PCLO: variants seen among roughly 807,000 people sequenced by gnomAD.
The protein encoded by PCLO is piccolo presynaptic cytomatrix protein, also known as protein piccolo.
A neutral mutation model predicts 427.5 loss-of-function variants in PCLO; 82 were observed. The ratio of observed to expected loss-of-function variants is 0.19; its 90% CI spans 0.16 to 0.23. The LOEUF is 0.23. Ranked by LOEUF, PCLO falls within the 10% of genes least tolerant of loss-of-function variation. The pLI, the probability that PCLO is intolerant of heterozygous loss-of-function variation, is 1.00. For missense variants in PCLO, 6,239 were observed against 6,115.9 expected, an observed-to-expected ratio of 1.02 and a Z score of -0.67; for synonymous variants, 2,357 against 2,155.4, an observed-to-expected ratio of 1.09 and a Z score of -2.59.
In PCLO at chr7:83,020,401, A is replaced by G. The variant is rs535195305; in HGVS notation, c.3301-53914T>C. Among the ~76,000 whole-genome samples the G allele has an allele frequency of 5.4e-3, 815 of 151,822 alleles. 8 individuals are homozygous for G. Among genetic ancestry groups the G allele is most frequent in the Non-Finnish European group, 9.1e-3 (616 of 67,862 alleles). Reference sequence around the variant, plus strand: ...TTAATCCCTATTTGGTAGTAGTAAGAGGGGGGGCCTTTGAGGGAGTTATTA... The same window carrying G: ...TTAATCCCTATTTGGTAGTAGTAAGGGGGGGGGCCTTTGAGGGAGTTATTA... On this transcript the variant is annotated intron_variant, in intron 3 of 24. Transcript: ENST00000333891.
At chr7:82,792,787 C>A (rs1425423859) in intron 22 of PCLO, among the ~76,000 whole-genome samples, 2 of 152,092 alleles carry the variant, frequency 1.3e-5, no homozygotes, top group African/African-American at 4.8e-5. Context: ...ATTCATATTT[C>A]TTAAAATAAT....
chr7:82,796,202 T>C (rs1392056201), intron 22 of PCLO, among the ~76,000 whole-genome samples: 1 of 152,138 alleles, frequency 6.6e-6, no homozygotes, highest in Non-Finnish European at 1.5e-5. Context: ...TTTTAAAAAA[T>C]ATTTCAATAA....
chr7:83,048,823 G>T (rs1029829653), intron 3 of PCLO, among the ~76,000 whole-genome samples: 1 of 151,874 alleles, frequency 6.6e-6, no homozygotes, highest in African/African-American at 2.4e-5. Context: ...ATTCCTTTAT[G>T]TTTTTTCAAA....
chr7:83,096,572 CTA>C (rs893547948), intron 3 of PCLO, among the ~76,000 whole-genome samples: 3 of 150,806 alleles, frequency 2.0e-5, no homozygotes, highest in African/African-American at 7.3e-5. Flanking sequence ...TGTATGTCAG[CTA>C]TGATTACATA....
intron 22 of PCLO, among the ~76,000 whole-genome samples, chr7:82,779,743 TTTC>T (rs1167542654): frequency 4.3e-4 from 44 of 103,192 alleles, no homozygotes; most frequent in Admixed American, 1.5e-3. Flanking sequence ...TCTTTCTTTC[TTTC>T]TTTTTTTTTT....
chr7:82,910,640 A>T (rs1018616315), intron 7 of PCLO, among the ~76,000 whole-genome samples: 2 of 152,166 alleles, frequency 1.3e-5, no homozygotes, highest in African/African-American at 4.8e-5. Flanking sequence ...GAAGCATAGA[A>T]TAATTAGTCA....
Position 82,916,718 on chromosome 7 carries a change from T to A in PCLO, c.11268A>T (p.Thr3756=). 1 of 1,613,652 alleles carries A rather than the reference T, an allele frequency of 6.2e-7. No homozygotes were observed. Among genetic ancestry groups the A allele is most frequent in the Non-Finnish European group, 8.5e-7 (1 of 1,179,720 alleles). Residue 3756 remains threonine, a synonymous_variant, in exon 7 of 25, where the codon ACA becomes ACT. Coordinates refer to ENST00000333891, the MANE Select transcript of PCLO (RefSeq NM_033026.6). ...VSRRRICRTN[T]MARAKILQDI... is the part of the protein sequence containing the mutation. ...CCTGGAGAATCTTGGCTCGTGCCAT[T>A]GTGTTGGTTCTGCAGATCCTTCTCC...
chr7:82,764,691 T>C (rs1476548), intron 22 of PCLO, among the ~76,000 whole-genome samples: 72,870 of 151,612 alleles, frequency 0.48, 18,480 homozygotes, highest in East Asian at 0.72. Context: ...ATGCAGCAAA[T>C]AAGACAAAGA....
At chr7:83,148,076 A>G (rs1387950024) in intron 2 of PCLO, among the ~76,000 whole-genome samples, 1 of 152,220 alleles carries the variant, frequency 6.6e-6, no homozygotes, top group African/African-American at 2.4e-5. Context: ...TTACATCCAC[A>G]TTACAACAGG....
chr7:82,934,781 A>G (rs930169341), intron 6 of PCLO, among the ~76,000 whole-genome samples: 4 of 151,678 alleles, frequency 2.6e-5, no homozygotes, highest in Admixed American at 2.0e-4. Flanking sequence ...TCTAACCATA[A>G]ACTACATTTA....
rs755712630 is a variant in PCLO, at chr7:82,953,048, T to C, written c.7905A>G (p.Ser2635=). The part of the protein sequence containing the change: ...PVTAVEIPIS[S]EQTFYISGAL... The stretch of plus-strand genomic sequence containing the variant: ...CTCCAGAGATGTAGAAGGTCTGTTC[T>C]GAAGAAATTGGAATTTCTACAGCTG... Residue 2635 remains serine (S), a synonymous_variant, in exon 5 of 25, where the codon TCA becomes TCG. Transcript: ENST00000333891. The C allele has an allele frequency of 1.2e-6, 2 of 1,613,980 alleles. No individual in the cohort carries two copies. Among genetic ancestry groups the C allele is most frequent in the Non-Finnish European group, 1.7e-6 (2 of 1,179,874 alleles).
intron 22 of PCLO, among the ~76,000 whole-genome samples, chr7:82,777,709 A>G (rs1297545670): frequency 6.6e-6 from 1 of 152,196 alleles, no homozygotes; most frequent in East Asian, 1.9e-4. Context: ...AGCTATATAC[A>G]GAAGATTGAA....
chr7:82,856,427 A>G (rs1210945301), intron 10 of PCLO, among the ~76,000 whole-genome samples: 2 of 152,138 alleles, frequency 1.3e-5, no homozygotes, highest in Non-Finnish European at 2.9e-5. Context: ...AATCCAGTCC[A>G]GTATTTCCTT....
intron 9 of PCLO, among the ~76,000 whole-genome samples, chr7:82,893,752 T>C (rs1793834276): frequency 6.6e-6 from 1 of 152,030 alleles, no homozygotes; most frequent in Non-Finnish European, 1.5e-5. Context: ...TGAACTATTT[T>C]CTTCAGATTT....
chr7:83,143,511 T>C (rs1388296272), intron 2 of PCLO, among the ~76,000 whole-genome samples: 1 of 149,060 alleles, frequency 6.7e-6, no homozygotes, highest in African/African-American at 2.5e-5. Flanking sequence ...TAAACAAACC[T>C]TGTAAAACAT....
At chr7:83,128,840 T>G (rs1791504619) in intron 3 of PCLO, among the ~76,000 whole-genome samples, 1 of 152,182 alleles carries the variant, frequency 6.6e-6, no homozygotes, top group African/African-American at 2.4e-5. Flanking sequence ...GTGGCCAGTT[T>G]GTAGACTTAG....
intron 20 of PCLO, among the ~76,000 whole-genome samples, chr7:82,814,592 AG>A (rs1401466821): frequency 6.6e-6 from 1 of 151,710 alleles, no homozygotes; most frequent in African/African-American, 2.4e-5. Context: ...AATAATCCAA[AG>A]AACTTTATGT....
chr7:83,004,598 A>G (rs1381145383), intron 3 of PCLO, among the ~76,000 whole-genome samples: 1 of 150,538 alleles, frequency 6.6e-6, no homozygotes, highest in African/African-American at 2.4e-5. Flanking sequence ...AAGTTCCTTG[A>G]CATTGGTTTT....
At chr7:83,124,257 C>T (rs1474441201) in intron 3 of PCLO, among the ~76,000 whole-genome samples, 1 of 150,278 alleles carries the variant, frequency 6.7e-6, no homozygotes, top group East Asian at 2.0e-4. Flanking sequence ...GCGGAGCTTG[C>T]AGTGAGCCGA....
Sources: gnomAD v4.1 joint callset for allele counts (sites outside exome capture counted in the v4.1 genomes callset) on GRCh38, gnomAD v4.1.1 for gene constraint, MANE v1.5 for transcripts, NCBI Gene and HGNC (gene_info 2026-07-23, HGNC 2026-07-21) for gene names.